The following MEGF11 variants were observed in gnomAD, a reference collection of about 807,000 sequenced individuals.
The protein encoded by MEGF11 is multiple EGF like domains 11.
In MEGF11, 126 loss-of-function variants were observed where a neutral mutation model predicts 146.6. The ratio of observed to expected loss-of-function variants is 0.86; its 90% CI spans 0.74 to 1.00. The LOEUF is 1.00. MEGF11 is among the 50% of genes least tolerant of loss of function. The pLI is 0.00. For missense variants in MEGF11, 1,509 were observed against 1,521.2 expected (o/e 0.99, Z 0.13); for synonymous variants, 532 against 583.4 (o/e 0.91, Z 1.27).
At chr15:65,978,547 G>T (rs895100944) in intron 7 of MEGF11, among the ~76,000 whole-genome samples, 2 of 152,178 alleles carry the variant, frequency 1.3e-5, no homozygotes, top group Admixed American at 1.3e-4. Context: ...CCTTCCCCCT[G>T]TTCAACCACC....
In MEGF11 at chr15:66,252,614, G is replaced by A. The variant is rs560881394; in HGVS notation, c.-9+991C>T. 3.2e-3 allele frequency among the ~76,000 whole-genome samples: 493 copies of A among 152,326 alleles called. 3 individuals carry two copies. The highest frequency in any genetic ancestry group is 0.011 in the African/African-American group (459 of 41,584). On this transcript the variant is annotated intron_variant, in intron 1 of 25. Coordinates refer to ENST00000395614, the MANE Select transcript of MEGF11 (RefSeq NM_001385028.1). ...GGGGCTCTGGGCACCGCCACGCCGA[G>A]GCTCGGCGCTCCCGGGCTCAGGACA...
intron 4 of MEGF11, among the ~76,000 whole-genome samples, chr15:66,107,905 A>T (rs1461552939): frequency 1.3e-5 from 2 of 152,208 alleles, no homozygotes; most frequent in Non-Finnish European, 2.9e-5. Flanking sequence ...TGAGAGAAAC[A>T]ATAAACACAT....
At chr15:65,976,375 C>T (rs1262326036) in intron 7 of MEGF11, among the ~76,000 whole-genome samples, 1 of 152,146 alleles carries the variant, frequency 6.6e-6, no homozygotes, top group African/African-American at 2.4e-5. Context: ...CCTCCAGTAC[C>T]TCAGAATGTG....
At chr15:65,994,687 C>T (rs1298230627) in intron 5 of MEGF11, among the ~76,000 whole-genome samples, 1 of 152,188 alleles carries the variant, frequency 6.6e-6, no homozygotes, top group African/African-American at 2.4e-5. Flanking sequence ...GATCTGCCCT[C>T]TGGGCTGTTC....
Position 65,915,459 on chromosome 15 carries a change from G to C in MEGF11, c.2473+11C>G. On this transcript the variant is annotated intron_variant, in intron 19 of 25. Transcript: ENST00000395614. ...TCCACAGACCCCGGGGCTCTGCCACGTGTGTATTACCTTGGTCACACCTGA... is the reference window on the plus strand; with the variant it reads ...TCCACAGACCCCGGGGCTCTGCCACCTGTGTATTACCTTGGTCACACCTGA... The C allele has an allele frequency of 6.2e-7, 1 of 1,613,164 alleles. No homozygotes were observed.
chr15:66,250,890 G>A (rs989030857), intron 1 of MEGF11, among the ~76,000 whole-genome samples: 2 of 143,154 alleles, frequency 1.4e-5, no homozygotes, highest in Non-Finnish European at 3.0e-5. Flanking sequence ...CTGAGAAAGT[G>A]AGACTCCGTC....
intron 1 of MEGF11, among the ~76,000 whole-genome samples, chr15:66,229,679 G>C (rs1381898934): frequency 6.6e-6 from 1 of 152,154 alleles, no homozygotes; most frequent in African/African-American, 2.4e-5. Flanking sequence ...CTCTGCTCTG[G>C]GGAAGGAAGA....
At chr15:66,229,456 T>G (rs2091920218) in intron 1 of MEGF11, among the ~76,000 whole-genome samples, 1 of 152,184 alleles carries the variant, frequency 6.6e-6, no homozygotes. Context: ...TCCAGGAAAC[T>G]GGAAATACAT....
At chr15:65,905,207 A>G (rs1033811336) in intron 24 of MEGF11, 3 of 152,220 alleles carry the variant, frequency 2.0e-5, no homozygotes, top group Non-Finnish European at 2.9e-5. Context: ...GCTGTTTTAA[A>G]TAGACCTCCT....
At chr15:66,080,101 C>G (rs2085783824) in intron 5 of MEGF11, among the ~76,000 whole-genome samples, 1 of 152,178 alleles carries the variant, frequency 6.6e-6, no homozygotes, top group Non-Finnish European at 1.5e-5. Context: ...AGATGGACAT[C>G]AAGGCCGGCA....
intron 5 of MEGF11, among the ~76,000 whole-genome samples, chr15:65,997,010 G>A (rs924271393): frequency 2.0e-5 from 3 of 152,150 alleles, no homozygotes; most frequent in East Asian, 3.9e-4. Context: ...GAAGCACGTC[G>A]CTTTGGGATT....
intron 4 of MEGF11, among the ~76,000 whole-genome samples, chr15:66,102,433 C>CTTT (rs753433380): frequency 1.4e-4 from 18 of 130,324 alleles, no homozygotes; most frequent in African/African-American, 4.9e-4. Flanking sequence ...TAAACATTTT[C>CTTT]TTTTTTTTTT....
chr15:66,080,171 G>A (rs1438913728), intron 5 of MEGF11, among the ~76,000 whole-genome samples: 7 of 152,154 alleles, frequency 4.6e-5, no homozygotes, highest in Admixed American at 4.6e-4. Context: ...TCAGGGGCTG[G>A]GCAGTCTCTT....
intron 1 of MEGF11, among the ~76,000 whole-genome samples, chr15:66,243,448 A>G (rs2092248629): frequency 6.6e-6 from 1 of 152,208 alleles, no homozygotes; most frequent in Non-Finnish European, 1.5e-5. Context: ...GACACTCTCC[A>G]TCCATTTGGT....
intron 24 of MEGF11, among the ~76,000 whole-genome samples, chr15:65,904,548 C>T (rs989282052): frequency 2.0e-5 from 3 of 152,208 alleles, no homozygotes; most frequent in African/African-American, 7.2e-5. Flanking sequence ...CTACCCTGAG[C>T]TCACCCCACA....
chr15:66,124,285 C>T (rs1279329759), intron 2 of MEGF11, among the ~76,000 whole-genome samples: 1 of 152,134 alleles, frequency 6.6e-6, no homozygotes, highest in Non-Finnish European at 1.5e-5. Flanking sequence ...AATAAAGAAG[C>T]GGGGGGTAGT....
intron 5 of MEGF11, among the ~76,000 whole-genome samples, chr15:66,049,893 G>C (rs2084380893): frequency 6.6e-6 from 1 of 152,136 alleles, no homozygotes; most frequent in African/African-American, 2.4e-5. Context: ...GGGCCTCTCT[G>C]TCTCTGTAAT....
At chr15:66,109,579 G>A (rs1350530134) in intron 4 of MEGF11, among the ~76,000 whole-genome samples, 1 of 152,220 alleles carries the variant, frequency 6.6e-6, no homozygotes, top group Non-Finnish European at 1.5e-5. Context: ...GAAAGCCGAG[G>A]TATGGAGAGG....
intron 1 of MEGF11, among the ~76,000 whole-genome samples, chr15:66,221,853 G>A (rs1302810261): frequency 6.6e-6 from 1 of 151,898 alleles, no homozygotes; most frequent in Admixed American, 6.6e-5. Flanking sequence ...ATCAAACCAA[G>A]TCTTCAATCC....
Sources: allele counts gnomAD v4.1 joint callset (sites outside exome capture counted in the v4.1 genomes callset), GRCh38; gene constraint gnomAD v4.1.1; transcripts MANE v1.5; gene names NCBI Gene and HGNC (gene_info 2026-07-23, HGNC 2026-07-21).